Variants in AFG1L observed in about 807,000 individuals in gnomAD.
AFG1L encodes the protein AFG1 like ATPase.
AFG1L carries 53 observed loss-of-function variants against 62.2 expected under a neutral mutation model. The observed-to-expected ratio is 0.85, with a 90% CI of 0.68 to 1.07. AFG1L has a LOEUF of 1.07. Ranked by LOEUF, AFG1L falls within the 50% of genes least tolerant of loss-of-function variation. The pLI is 0.00. For synonymous variants in AFG1L, 228 were observed against 210.3 expected (o/e 1.08, Z -0.73); for missense variants, 555 against 590.5 (o/e 0.94, Z 0.62).
Position 108,347,488 on chromosome 6 carries a change from G to A in AFG1L, c.415+449G>A, listed in dbSNP as rs563090605. On this transcript the variant is annotated intron_variant, in intron 3 of 12. Coordinates refer to ENST00000368977, the MANE Select transcript of AFG1L (RefSeq NM_145315.5). Reference sequence around the variant, plus strand: ...AGTCGTTATTATCTTTAATGTAGTTGACAGTAGATACTCTTAATGCATAAG... The same window carrying A: ...AGTCGTTATTATCTTTAATGTAGTTAACAGTAGATACTCTTAATGCATAAG... 5.9e-5 allele frequency among the ~76,000 whole-genome samples: 9 copies of A among 152,214 alleles called. No individual in the cohort carries two copies. In the South Asian group the frequency reaches 1.9e-3, roughly 32 times the overall value.
At chr6:108,349,035 G>A (rs1778975291) in intron 3 of AFG1L, among the ~76,000 whole-genome samples, 1 of 152,216 alleles carries the variant, frequency 6.6e-6, no homozygotes, top group Non-Finnish European at 1.5e-5. Context: ...TAGAAAAGAT[G>A]TGATAGTATG....
intron 8 of AFG1L, among the ~76,000 whole-genome samples, chr6:108,463,646 T>G (rs538611031): frequency 6.6e-6 from 1 of 152,136 alleles, no homozygotes; most frequent in Non-Finnish European, 1.5e-5. Context: ...TTCTGCATAA[T>G]GTACAGGTCA....
chr6:108,443,865 A>G (rs564833061), intron 7 of AFG1L, among the ~76,000 whole-genome samples: 12 of 151,398 alleles, frequency 7.9e-5, no homozygotes, highest in East Asian at 3.9e-4. Flanking sequence ...ACAGAGTAAG[A>G]CTCTGTCGAA....
At chr6:108,496,563 T>C (rs1226417591) in intron 10 of AFG1L, among the ~76,000 whole-genome samples, 1 of 152,194 alleles carries the variant, frequency 6.6e-6, no homozygotes, top group Non-Finnish European at 1.5e-5. Flanking sequence ...TGATGTATTG[T>C]AATATTAGGG....
chr6:108,448,307 C>G (rs1771896879), intron 8 of AFG1L, among the ~76,000 whole-genome samples: 1 of 152,040 alleles, frequency 6.6e-6, no homozygotes, highest in African/African-American at 2.4e-5. Context: ...TTAACTTGGA[C>G]TTTTTCTTCC....
chr6:108,396,098 T>G (rs1455886077), intron 6 of AFG1L, among the ~76,000 whole-genome samples: 1 of 151,296 alleles, frequency 6.6e-6, no homozygotes, highest in Admixed American at 6.6e-5. Flanking sequence ...AGGCTGATCT[T>G]GAACTCCTGG....
chr6:108,403,645 A>T (rs895325804), intron 7 of AFG1L, among the ~76,000 whole-genome samples: 1 of 152,186 alleles, frequency 6.6e-6, no homozygotes, highest in Non-Finnish European at 1.5e-5. Context: ...GTATACACAG[A>T]TACCAAAATA....
At chr6:108,332,881 ACCGGCTG>A (rs1234189730) in intron 2 of AFG1L, among the ~76,000 whole-genome samples, 2 of 152,166 alleles carry the variant, frequency 1.3e-5, no homozygotes, top group African/African-American at 2.4e-5. Flanking sequence ...TGCTGGGGTT[ACCGGCTG>A]AGCCATCACG....
intron 1 of AFG1L, among the ~76,000 whole-genome samples, chr6:108,302,660 C>G (rs1777051270): frequency 6.6e-6 from 1 of 152,120 alleles, no homozygotes; most frequent in South Asian, 2.1e-4. Context: ...TCCAAAGGAG[C>G]TTTTATTGGC....
At position 108,496,461 on chromosome 6, in the gene AFG1L, C is replaced by T. The variant is rs772157226; in HGVS notation, c.1063-13751C>T. Among the ~76,000 whole-genome samples, 5 of 152,094 alleles carry T rather than the reference C, an allele frequency of 3.3e-5. No homozygotes were observed. The East Asian group carries it at 5.8e-4, about 18-fold the overall frequency. On this transcript the variant is annotated intron_variant, in intron 10 of 12. Coordinates refer to ENST00000368977, the MANE Select transcript of AFG1L (RefSeq NM_145315.5). ...TAGAACTCCCTGTCTTGTACAATGA[C>T]GTAAATGAGTGTGGCAACAGCAAAT...
At chr6:108,380,176 G>A (rs1780436950) in intron 6 of AFG1L, among the ~76,000 whole-genome samples, 1 of 152,122 alleles carries the variant, frequency 6.6e-6, no homozygotes, top group Non-Finnish European at 1.5e-5. Context: ...AGGAAGGGTG[G>A]GGCAGCTTAG....
At chr6:108,486,492 TA>T (rs1773579198) in intron 10 of AFG1L, among the ~76,000 whole-genome samples, 1 of 152,204 alleles carries the variant, frequency 6.6e-6, no homozygotes, top group African/African-American at 2.4e-5. Context: ...TTTTGTTTTT[TA>T]AAATGGCTTG....
chr6:108,311,596 A>G (rs912796675), intron 1 of AFG1L, among the ~76,000 whole-genome samples: 4 of 151,820 alleles, frequency 2.6e-5, no homozygotes, highest in Non-Finnish European at 4.4e-5. Context: ...TCCGGGGCTC[A>G]AGCGATCCTC....
At chr6:108,296,411 G>A (rs1287484362) in intron 1 of AFG1L, among the ~76,000 whole-genome samples, 1 of 152,122 alleles carries the variant, frequency 6.6e-6, no homozygotes. Context: ...GTGCAAGAAA[G>A]AATATGGCAA....
At chr6:108,388,515 G>A (rs1477543528) in intron 6 of AFG1L, among the ~76,000 whole-genome samples, 1 of 152,166 alleles carries the variant, frequency 6.6e-6, no homozygotes, top group Non-Finnish European at 1.5e-5. Flanking sequence ...TGGGCATTTA[G>A]TGCTATAAAT....
chr6:108,518,512 A>T (rs1170882056), intron 11 of AFG1L, among the ~76,000 whole-genome samples: 2 of 51,484 alleles, frequency 3.9e-5, no homozygotes, highest in African/African-American at 1.5e-4. Context: ...GGGTGGGGGG[A>T]GGGGGGAGGG....
intron 1 of AFG1L, among the ~76,000 whole-genome samples, chr6:108,298,415 G>C (rs1294828755): frequency 6.6e-6 from 1 of 151,762 alleles, no homozygotes; most frequent in Non-Finnish European, 1.5e-5. Context: ...ACAGGCGCCC[G>C]CCACCACACC....
intron 1 of AFG1L, among the ~76,000 whole-genome samples, chr6:108,307,604 C>T (rs1311133511): frequency 1.3e-5 from 2 of 151,922 alleles, no homozygotes; most frequent in Admixed American, 6.6e-5. Context: ...GAGATGGGGT[C>T]TCGCCATATT....
chr6:108,409,935 G>C (rs1235968406), intron 7 of AFG1L, among the ~76,000 whole-genome samples: 4 of 152,146 alleles, frequency 2.6e-5, no homozygotes, highest in Non-Finnish European at 4.4e-5. Context: ...AAACTTTCAT[G>C]AAAGAAAGTT....
Sources: allele counts gnomAD v4.1 joint callset (sites outside exome capture counted in the v4.1 genomes callset), GRCh38; gene constraint gnomAD v4.1.1; transcripts MANE v1.5; gene names NCBI Gene and HGNC (gene_info 2026-07-23, HGNC 2026-07-21).